Variants in TM9SF3 observed in about 807,000 individuals in gnomAD.
TM9SF3 encodes SM-11044-binding protein.
In TM9SF3, 14 loss-of-function variants were observed where a neutral mutation model predicts 78.6. The observed-to-expected ratio is 0.18, with a 90% CI of 0.12 to 0.28. TM9SF3 has a LOEUF of 0.28. Ranked by LOEUF, TM9SF3 falls within the 10% of genes least tolerant of loss-of-function variation. The pLI is 1.00. For synonymous variants in TM9SF3, 231 were observed against 241.7 expected (o/e 0.96, Z 0.41); for missense variants, 496 against 721.9 (o/e 0.69, Z 3.59).
At chr10:96,550,944 G>A (rs901492846) in intron 7 of TM9SF3, among the ~76,000 whole-genome samples, 9 of 152,076 alleles carry the variant, frequency 5.9e-5, no homozygotes, top group Admixed American at 2.0e-4. Flanking sequence ...GAAAAAAAAG[G>A]CTATTTACTT....
chr10:96,547,845 A>C, intron 8 of TM9SF3, 50 bp downstream of exon 8: 1 of 1,473,196 alleles, frequency 6.8e-7, no homozygotes, highest in Non-Finnish European at 9.4e-7. Flanking sequence ...TCTCATAGTA[A>C]AATATTAGCA....
chr10:96,579,109 A>G (rs560418131), intron 1 of TM9SF3, among the ~76,000 whole-genome samples: 15 of 152,236 alleles, frequency 9.9e-5, no homozygotes, highest in Non-Finnish European at 1.8e-4. Flanking sequence ...AGGCAAATAG[A>G]TATTTAATAA....
intron 2 of TM9SF3, among the ~76,000 whole-genome samples, chr10:96,566,399 C>T (rs918913868): frequency 6.6e-6 from 1 of 152,106 alleles, no homozygotes; most frequent in Non-Finnish European, 1.5e-5. Flanking sequence ...AAAGAAATAG[C>T]AATCTAATTT....
At chr10:96,580,826 T>C (rs918270017) in intron 1 of TM9SF3, among the ~76,000 whole-genome samples, 1 of 152,134 alleles carries the variant, frequency 6.6e-6, no homozygotes, top group African/African-American at 2.4e-5. Flanking sequence ...CATCTCAAAA[T>C]TCTATAAAAT....
At chr10:96,582,623 A>G (rs964493280) in intron 1 of TM9SF3, among the ~76,000 whole-genome samples, 1 of 152,176 alleles carries the variant, frequency 6.6e-6, no homozygotes, top group Non-Finnish European at 1.5e-5. Context: ...TTCATTTCAA[A>G]CAACATGTCT....
chr10:96,541,401 A>T (rs768626477), intron 9 of TM9SF3, among the ~76,000 whole-genome samples: 17 of 151,850 alleles, frequency 1.1e-4, no homozygotes, highest in Non-Finnish European at 2.4e-4. Context: ...TTTGAGACAG[A>T]GTCTCACTCT....
At chr10:96,560,338 G>A (rs183646072) in intron 4 of TM9SF3, 1 of 741,800 alleles carries the variant, frequency 1.3e-6, no homozygotes, top group Non-Finnish European at 2.5e-6. Context: ...TTTAGGGGCT[G>A]GTGCAAAGGA....
At chr10:96,548,201 A>AT (rs1363034698) in intron 7 of TM9SF3, among the ~76,000 whole-genome samples, 1 of 152,122 alleles carries the variant, frequency 6.6e-6, no homozygotes, top group Admixed American at 6.5e-5. Flanking sequence ...GCTGATCCTA[A>AT]TTTTTTTATC....
At position 96,521,642 on chromosome 10, in the gene TM9SF3, A is replaced by T. The variant is rs1169905066; in HGVS notation, c.*621T>A. 6.6e-6 allele frequency: 1 copy of T among 151,720 alleles called. No individual in the cohort carries two copies. Among genetic ancestry groups the T allele is most frequent in the East Asian group, 1.9e-4 (1 of 5,200 alleles). 9.4% of individuals were successfully genotyped at this position (151,720 alleles called of 1,614,324 possible). A position where few individuals can be genotyped will look rare whatever the true frequency, so the allele number is the denominator to read the frequency against. On this transcript the variant is annotated 3_prime_UTR_variant, in exon 15 of 15. Transcript: ENST00000371142. ...GATAAATAAATGGGAAGTTGGTCCA[A>T]CTAAGATGACAGCAGATATATTACA... is the stretch of plus-strand genomic sequence containing the variant.
At chr10:96,532,228 A>T (rs1319692511) in intron 10 of TM9SF3, among the ~76,000 whole-genome samples, 1 of 151,424 alleles carries the variant, frequency 6.6e-6, no homozygotes, top group South Asian at 2.1e-4. Flanking sequence ...TAATAATAAT[A>T]AAATAAATAA....
chr10:96,583,362 G>A (rs1848595884), intron 1 of TM9SF3, among the ~76,000 whole-genome samples: 1 of 152,190 alleles, frequency 6.6e-6, no homozygotes, highest in South Asian at 2.1e-4. Flanking sequence ...ACTATTCAGG[G>A]CACGTGCCCA....
In TM9SF3 at chr10:96,586,953, C is replaced by T; in HGVS notation, c.-118G>A. 2 of 816,016 alleles carry T rather than the reference C, an allele frequency of 2.5e-6. No individual in the cohort carries two copies. The highest frequency in any genetic ancestry group is 5.7e-5 in the South Asian group (1 of 17,604). 50.5% of individuals were successfully genotyped at this position (816,016 alleles called of 1,614,324 possible). ...CATCCACGGGGCGCGGACAGACGCA[C>T]GGGGCCCGGCCCAGCCGCTGCCTCC... On this transcript the variant is annotated 5_prime_UTR_variant, in exon 1 of 15. The change creates a new upstream start codon in the 5' untranslated region. Coordinates refer to ENST00000371142, the MANE Select transcript of TM9SF3 (RefSeq NM_020123.4).
chr10:96,520,869 C>T lies in TM9SF3; in HGVS notation c.*1394G>A, dbSNP rs1847759095. The T allele has an allele frequency of 7.6e-6, 3 of 396,660 alleles. No homozygotes were observed. Among genetic ancestry groups the T allele is most frequent in the Admixed American group, 4.4e-5 (1 of 22,642 alleles). 24.6% of individuals were successfully genotyped at this position (396,660 alleles called of 1,614,324 possible). On this transcript the variant is annotated 3_prime_UTR_variant, in exon 15 of 15. Transcript: ENST00000371142. ...GTCTGGAGATTTTAAAATACGGGTC[C>T]CCTGTATGAGAGTAGCATAGTTTAT...
At chr10:96,542,236 C>T (rs550424110) in intron 9 of TM9SF3, among the ~76,000 whole-genome samples, 38 of 152,208 alleles carry the variant, frequency 2.5e-4, no homozygotes, top group Admixed American at 1.2e-3. Context: ...GAAAAGGAGA[C>T]GGTAAAGTAC....
chr10:96,577,993 C>T (rs1848517300), intron 1 of TM9SF3, among the ~76,000 whole-genome samples: 1 of 152,156 alleles, frequency 6.6e-6, no homozygotes, highest in African/African-American at 2.4e-5. Flanking sequence ...CCACTTCCCC[C>T]AGCTTCATTT....
At chr10:96,536,225 A>T (rs1375331901) in intron 9 of TM9SF3, among the ~76,000 whole-genome samples, 1 of 152,080 alleles carries the variant, frequency 6.6e-6, no homozygotes, top group African/African-American at 2.4e-5. Context: ...CATAAAACTA[A>T]ATGCCTTCCT....
intron 5 of TM9SF3, among the ~76,000 whole-genome samples, chr10:96,554,408 C>T (rs1214411296): frequency 2.0e-5 from 3 of 152,134 alleles, no homozygotes; most frequent in African/African-American, 7.2e-5. Flanking sequence ...TCTCAAAGGC[C>T]TGCAATGAAC....
chr10:96,532,405 T>TATC (rs1470344789), intron 10 of TM9SF3, among the ~76,000 whole-genome samples: 1 of 135,412 alleles, frequency 7.4e-6, no homozygotes, highest in Non-Finnish European at 1.7e-5. Context: ...AGAGCAAAAT[T>TATC]ATCACCTATT....
At position 96,533,741 on chromosome 10, in the gene TM9SF3, T is replaced by C. The variant is rs534072453; in HGVS notation, c.1186-551A>G. On this transcript the variant is annotated intron_variant, in intron 9 of 14. Transcript: ENST00000371142. ...ACACTCTTTTCTATCCTACACTACC[T>C]TGGAATCCTAATAGAAGGAGATCGC... 2.0e-5 allele frequency among the ~76,000 whole-genome samples: 3 copies of C among 152,276 alleles called. No individual in the cohort carries two copies. The South Asian group carries it at 6.2e-4, about 32-fold the overall frequency.
Sources: allele counts gnomAD v4.1 joint callset (sites outside exome capture counted in the v4.1 genomes callset), GRCh38; gene constraint gnomAD v4.1.1; transcripts MANE v1.5; gene names NCBI Gene and HGNC (gene_info 2026-07-23, HGNC 2026-07-21).